The following CD6 variants were observed in gnomAD, a reference collection of about 807,000 sequenced individuals.
CD6 encodes the protein T-cell differentiation antigen CD6.
Under a neutral mutation model 75.3 loss-of-function variants are expected in CD6, and 53 were observed. The observed-to-expected ratio is 0.70, with a 90% CI of 0.56 to 0.88. CD6 has a LOEUF of 0.88. CD6 is among the 40% of genes least tolerant of loss of function. The pLI is 0.00. For synonymous variants in CD6, 359 were observed against 381.5 expected (o/e 0.94, Z 0.69); for missense variants, 770 against 897.1 (o/e 0.86, Z 1.81).
intron 1 of CD6, among the ~76,000 whole-genome samples, chr11:60,986,700 C>T (rs1857832503): frequency 6.6e-6 from 1 of 152,192 alleles, no homozygotes; most frequent in South Asian, 2.1e-4. Flanking sequence ...GCTCTCAACG[C>T]CCCTAATCCA....
intron 9 of CD6, 57 bp from the exon 10 acceptor site, chr11:61,017,422 G>T (rs1266627516): frequency 7.3e-7 from 1 of 1,374,556 alleles, no homozygotes; most frequent in Non-Finnish European, 1.0e-6. Flanking sequence ...TCTTCTCCAG[G>T]CTCCTAAATG....
At chr11:60,978,787 G>C (rs1857459482) in intron 1 of CD6, among the ~76,000 whole-genome samples, 1 of 152,216 alleles carries the variant, frequency 6.6e-6, no homozygotes, top group African/African-American at 2.4e-5. Context: ...TTGCATCTCT[G>C]CATGGCCCCA....
chr11:60,983,621 G>T (rs1857675894), intron 1 of CD6, among the ~76,000 whole-genome samples: 1 of 149,978 alleles, frequency 6.7e-6, no homozygotes. Flanking sequence ...CCCAACGTGT[G>T]TTTTTGTTGT....
intron 1 of CD6, among the ~76,000 whole-genome samples, chr11:60,998,986 C>G (rs1858443894): frequency 6.6e-6 from 1 of 152,084 alleles, no homozygotes; most frequent in Non-Finnish European, 1.5e-5. Context: ...TCGTGAAACC[C>G]AGTCTCTACT....
At chr11:61,001,198 C>CTT (rs143567183) in intron 1 of CD6, among the ~76,000 whole-genome samples, 1,562 of 110,312 alleles carry the variant, frequency 0.014, 55 homozygotes, top group Middle Eastern at 0.02. Context: ...GATGATGTGT[C>CTT]TTTTTTTTTT....
chr11:61,018,669 AT>A (rs1859541278), intron 12 of CD6: 3 of 424,214 alleles, frequency 7.1e-6, no homozygotes, highest in Non-Finnish European at 1.2e-5. Context: ...TAAAAACTAA[AT>A]ATTAGCCAAG....
intron 1 of CD6, among the ~76,000 whole-genome samples, chr11:60,994,465 A>ACAAAAAAAAAAAAC (rs763067565): frequency 7.2e-6 from 1 of 138,276 alleles, no homozygotes; most frequent in Non-Finnish European, 1.6e-5. Context: ...GCCAAAAAAA[A>ACAAAAAAAAAAAAC]AAAAAAGCTG....
chr11:61,001,816 A>G (rs1160218317), intron 1 of CD6, among the ~76,000 whole-genome samples: 1 of 152,214 alleles, frequency 6.6e-6, no homozygotes, highest in Non-Finnish European at 1.5e-5. Flanking sequence ...TTGGTTCAAC[A>G]AATGATGAGG....
chr11:60,994,469 A>AAAAAAAAAAAAAAC (rs1858212841), intron 1 of CD6, among the ~76,000 whole-genome samples: 1 of 150,910 alleles, frequency 6.6e-6, no homozygotes, highest in Non-Finnish European at 1.5e-5. Flanking sequence ...AAAAAAAAAA[A>AAAAAAAAAAAAAAC]AAGCTGAATT....
At chr11:61,002,684 G>C (rs1858640698) in intron 1 of CD6, among the ~76,000 whole-genome samples, 1 of 152,196 alleles carries the variant, frequency 6.6e-6, no homozygotes, top group African/African-American at 2.4e-5. Flanking sequence ...AAGTACCACA[G>C]AGTGAGTAAT....
chr11:60,983,243 C>T (rs1321511445), intron 1 of CD6, among the ~76,000 whole-genome samples: 1 of 151,858 alleles, frequency 6.6e-6, no homozygotes, highest in African/African-American at 2.4e-5. Context: ...ACTACAGTCC[C>T]GCACCACCAC....
At chr11:61,010,564 G>C (rs546622312) in intron 5 of CD6, among the ~76,000 whole-genome samples, 1 of 152,154 alleles carries the variant, frequency 6.6e-6, no homozygotes, top group African/African-American at 2.4e-5. Context: ...TGCCATTTAC[G>C]AGCAAGGAGG....
intron 6 of CD6, 42 bp downstream of exon 6, chr11:61,011,177 A>ATGTG: frequency 3.1e-6 from 2 of 647,892 alleles, no homozygotes; most frequent in Non-Finnish European, 4.4e-6. Flanking sequence ...AGAAGCTTGG[A>ATGTG]CGTGTGTGTG....
In CD6 at chr11:60,971,742, A is replaced by G; in HGVS notation, c.-124A>G. On this transcript the variant is annotated 5_prime_UTR_variant, in exon 1 of 13. Coordinates refer to ENST00000313421, the MANE Select transcript of CD6 (RefSeq NM_006725.5). ...GGAGAGAGCAGAGAGAGACACAGGA[A>G]CAAGAACAGCAAAGGGTAGAGCAGA... 1 of 896,528 alleles carries G rather than the reference A, an allele frequency of 1.1e-6. No homozygotes were observed. 55.5% of individuals were successfully genotyped at this position (896,528 alleles called of 1,614,324 possible).
At chr11:60,998,050 G>A (rs1456229196) in intron 1 of CD6, among the ~76,000 whole-genome samples, 1 of 152,176 alleles carries the variant, frequency 6.6e-6, no homozygotes, top group Non-Finnish European at 1.5e-5. Context: ...GGACGGTGTA[G>A]GACAGATTTC....
chr11:60,996,235 A>G (rs538939246), intron 1 of CD6, among the ~76,000 whole-genome samples: 2 of 152,286 alleles, frequency 1.3e-5, no homozygotes, highest in African/African-American at 2.4e-5. Context: ...GCTGTGCCAG[A>G]TTTGTGACGG....
intron 8 of CD6, 49 bp from the exon 9 acceptor site, chr11:61,015,664 C>T (rs778624886): frequency 1.2e-6 from 2 of 1,610,324 alleles, no homozygotes; most frequent in Non-Finnish European, 1.7e-6. Flanking sequence ...CCTCCCTACA[C>T]CTTTCCGCCC....
At chr11:60,980,637 TGGC>T (rs1857525512) in intron 1 of CD6, among the ~76,000 whole-genome samples, 1 of 152,194 alleles carries the variant, frequency 6.6e-6, no homozygotes. Context: ...GAGACCAGCC[TGGC>T]CAATATGGCG....
chr11:61,010,978 T>C (rs944492588), intron 5 of CD6, 92 bp from the exon 6 acceptor site: 1 of 1,180,354 alleles, frequency 8.5e-7, no homozygotes, highest in Admixed American at 1.7e-5. Context: ...TCTGGGTCAC[T>C]TGTCTGTCCC....
Sources: allele counts gnomAD v4.1 joint callset (sites outside exome capture counted in the v4.1 genomes callset), GRCh38; gene constraint gnomAD v4.1.1; transcripts MANE v1.5; gene names NCBI Gene and HGNC (gene_info 2026-07-23, HGNC 2026-07-21).